The following WDR27 variants were observed in gnomAD, a reference collection of about 807,000 sequenced individuals.
WDR27 encodes WD repeat-containing protein 27.
Under a neutral mutation model 114.4 loss-of-function variants are expected in WDR27, and 100 were observed. The observed-to-expected ratio is 0.87, with a 90% CI of 0.74 to 1.03. The LOEUF (loss-of-function observed/expected upper bound fraction) is 1.03, where lower values mean the gene tolerates loss of function less well. Among genes scored for constraint, WDR27 ranks in the 50% least tolerant of loss-of-function variants. WDR27 has a pLI of 0.00. For synonymous variants in WDR27, 449 were observed against 423.1 expected (o/e 1.06, Z -0.75); for missense variants, 1,129 against 1,092.9 (o/e 1.03, Z -0.47).
intron 13 of WDR27, among the ~76,000 whole-genome samples, chr6:169,653,691 AG>A (rs1321241360): frequency 6.6e-6 from 1 of 152,236 alleles, no homozygotes; most frequent in Non-Finnish European, 1.5e-5. Context: ...ACGCCACAAA[AG>A]CCAGAAGAAA....
chr6:169,567,175 G>A (rs1026749241), intron 25 of WDR27, among the ~76,000 whole-genome samples: 2 of 152,202 alleles, frequency 1.3e-5, no homozygotes, highest in Non-Finnish European at 2.9e-5. Flanking sequence ...GGTGCTGCTG[G>A]GGAGGACCCG....
At chr6:169,553,772 C>T (rs926450) in intron 25 of WDR27, among the ~76,000 whole-genome samples, 136,692 of 152,228 alleles carry the variant, frequency 0.9, 61,891 homozygotes, top group East Asian at 0.99. Context: ...TGAAAATACT[C>T]CCACAAATGG....
chr6:169,627,190 T>C (rs1473117747), intron 21 of WDR27, among the ~76,000 whole-genome samples: 4 of 152,216 alleles, frequency 2.6e-5, no homozygotes, highest in East Asian at 3.8e-4. Flanking sequence ...GTAAATTAAA[T>C]GGGACAAGAA....
At chr6:169,643,994 G>A (rs535159775) in intron 16 of WDR27, among the ~76,000 whole-genome samples, 1 of 151,520 alleles carries the variant, frequency 6.6e-6, no homozygotes, top group South Asian at 2.1e-4. Flanking sequence ...GTTCACAGGA[G>A]TCACACTGTT....
At chr6:169,555,686 C>T (rs2128107837) in intron 25 of WDR27, among the ~76,000 whole-genome samples, 1 of 152,070 alleles carries the variant, frequency 6.6e-6, no homozygotes, top group South Asian at 2.1e-4. Flanking sequence ...GTAAGATTAC[C>T]AAACATTAGG....
chr6:169,563,008 A>C (rs559642666), intron 25 of WDR27, among the ~76,000 whole-genome samples: 2 of 152,278 alleles, frequency 1.3e-5, no homozygotes, highest in African/African-American at 2.4e-5. Flanking sequence ...AATGGGTCTA[A>C]AGGAGACACG....
At chr6:169,578,331 G>A (rs61118745) in intron 24 of WDR27, among the ~76,000 whole-genome samples, 3 of 152,210 alleles carry the variant, frequency 2.0e-5, no homozygotes, top group Non-Finnish European at 4.4e-5. Flanking sequence ...TTATCTTCCA[G>A]AAAGTCCTCT....
At chr6:169,476,158 G>A (rs1161322178) in intron 25 of WDR27, among the ~76,000 whole-genome samples, 1 of 152,156 alleles carries the variant, frequency 6.6e-6, no homozygotes, top group Non-Finnish European at 1.5e-5. Context: ...CAAACCCCTT[G>A]TGGCCTTTGG....
rs1311352058 is a variant in WDR27 at position 169,668,166 on chromosome 6, T to C, written c.476A>G (p.Tyr159Cys). ...GTTATTAACATCAGGACGTTCTATG[T>C]ATGTCACAGAAAATCGCTGCTATTA... ...LDIEQRFSVT[Y>C]IERPDVNNRH... Residue 159 changes from tyrosine (Y) to cysteine (C), a missense_variant, in exon 5 of 26, where the codon TAC (tyrosine) becomes TGC (cysteine). Transcript: ENST00000448612. The C allele has an allele frequency of 6.2e-7, 1 of 1,613,956 alleles. No individual in the cohort carries two copies. The highest frequency in any genetic ancestry group is 1.7e-5 in the Admixed American group (1 of 60,026).
intron 13 of WDR27, among the ~76,000 whole-genome samples, chr6:169,653,859 G>A (rs958585145): frequency 1.3e-5 from 2 of 152,234 alleles, no homozygotes; most frequent in Non-Finnish European, 2.9e-5. Context: ...GCCACTATGC[G>A]AGCTTCACCT....
At chr6:169,484,080 CA>C (rs1788553972) in intron 25 of WDR27, among the ~76,000 whole-genome samples, 1 of 152,118 alleles carries the variant, frequency 6.6e-6, no homozygotes, top group Non-Finnish European at 1.5e-5. Flanking sequence ...ACTGAATTGA[CA>C]AAAGCTGGAA....
intron 1 of WDR27, among the ~76,000 whole-genome samples, 156 bp downstream of exon 1, chr6:169,701,395 C>A (rs1233907282): frequency 1.3e-5 from 2 of 152,170 alleles, no homozygotes; most frequent in African/African-American, 4.8e-5. Context: ...AATTAACGAG[C>A]CCTCAGGGTC....
At chr6:169,660,904 G>A (rs1825908833) in intron 9 of WDR27, 138 bp from the exon 10 acceptor site, 1 of 748,280 alleles carries the variant, frequency 1.3e-6, no homozygotes, top group Non-Finnish European at 2.1e-6. Context: ...TGCGCCCCCT[G>A]GCCTGGCTGT....
intron 22 of WDR27, among the ~76,000 whole-genome samples, chr6:169,609,517 T>C (rs1004546338): frequency 6.6e-6 from 1 of 152,134 alleles, no homozygotes; most frequent in Non-Finnish European, 1.5e-5. Context: ...AGCCATGGCA[T>C]GAGCTCTATG....
chr6:169,611,955 T>C (rs1028387898), intron 22 of WDR27, among the ~76,000 whole-genome samples: 2 of 147,826 alleles, frequency 1.4e-5, no homozygotes, highest in East Asian at 3.9e-4. Flanking sequence ...GCCAACATGG[T>C]GAAAATGCGT....
downstream of WDR27, among the ~76,000 whole-genome samples, chr6:169,456,140 C>A (rs898348369): frequency 1.3e-5 from 2 of 151,824 alleles, no homozygotes; most frequent in Admixed American, 6.6e-5. This position sits in a 1 kb window ranked among gnomAD's most constrained non-coding sequence, Gnocchi z 4.0. Context: ...TCATTTTAAC[C>A]AAGGGGAAAC....
chr6:169,553,139 A>G (rs1798424011), intron 25 of WDR27, among the ~76,000 whole-genome samples: 2 of 151,228 alleles, frequency 1.3e-5, no homozygotes, highest in Admixed American at 1.3e-4. Context: ...GCCATCAGAG[A>G]GACCAGAGCA....
chr6:169,580,284 C>T (rs1562622235), intron 24 of WDR27, among the ~76,000 whole-genome samples: 1 of 152,232 alleles, frequency 6.6e-6, no homozygotes, highest in Non-Finnish European at 1.5e-5. Flanking sequence ...TTTACCTGTG[C>T]TTCACACAAG....
chr6:169,507,438 C>T (rs1398989068), intron 25 of WDR27, among the ~76,000 whole-genome samples: 1 of 152,208 alleles, frequency 6.6e-6, no homozygotes, highest in Non-Finnish European at 1.5e-5. Context: ...TGACACTACT[C>T]CATCTTGACG....
Sources: allele counts gnomAD v4.1 joint callset (sites outside exome capture counted in the v4.1 genomes callset), GRCh38; gene constraint gnomAD v4.1.1; non-coding constraint Gnocchi (gnomAD v3.1); transcripts MANE v1.5; gene names NCBI Gene and HGNC (gene_info 2026-07-23, HGNC 2026-07-21).